DIAPH2: variants seen among roughly 807,000 people sequenced by gnomAD.
DIAPH2 encodes diaphanous related formin 2.
A neutral mutation model predicts 92.7 loss-of-function variants in DIAPH2; 35 were observed. That is an observed-to-expected ratio of 0.38 (90% confidence interval 0.29 to 0.50). DIAPH2 has a LOEUF of 0.50. Among genes scored for constraint, DIAPH2 ranks in the 20% least tolerant of loss-of-function variants. The pLI is 0.94. For missense variants in DIAPH2, 701 were observed against 819.5 expected (o/e 0.86, Z 1.77); for synonymous variants, 301 against 280.4 (o/e 1.07, Z -0.73).
intron 22 of DIAPH2, among the ~76,000 whole-genome samples, chrX:97,149,682 G>T (rs1231063652): frequency 1.2e-5 from 1 of 83,939 alleles, no homozygotes; most frequent in Non-Finnish European, 2.1e-5. Flanking sequence ...AGTGAGCCGA[G>T]ATCGCGCCAC....
intron 23 of DIAPH2, among the ~76,000 whole-genome samples, chrX:97,251,073 C>T (rs1003548440): frequency 1.8e-5 from 2 of 112,041 alleles, no homozygotes; most frequent in Non-Finnish European, 3.8e-5. Context: ...AAATAGGTTG[C>T]TTGTTCTGAC....
chrX:96,829,605 T>C (rs749219105), intron 4 of DIAPH2, among the ~76,000 whole-genome samples: 16 of 110,623 alleles, frequency 1.4e-4, no homozygotes, highest in Non-Finnish European at 2.8e-4. Flanking sequence ...GTGAATCTCC[T>C]GTCTCAGCCT....
At chrX:97,573,809 C>T (rs573581530) in intron 26 of DIAPH2, among the ~76,000 whole-genome samples, 11 of 108,959 alleles carry the variant, frequency 1.0e-4, no homozygotes, top group Non-Finnish European at 1.5e-4. Context: ...TATAGGTGAC[C>T]GCCACCACAC....
chrX:96,848,514 G>A (rs2064987072), intron 4 of DIAPH2, among the ~76,000 whole-genome samples: 1 of 112,142 alleles, frequency 8.9e-6, no homozygotes, highest in Non-Finnish European at 1.9e-5. Flanking sequence ...ACTAATTTAA[G>A]CTATTTGACC....
chrX:97,306,932 T>A (rs1190642200), intron 23 of DIAPH2, among the ~76,000 whole-genome samples: 1 of 112,099 alleles, frequency 8.9e-6, no homozygotes, highest in East Asian at 2.8e-4. Flanking sequence ...AGTGGGAAAC[T>A]CTGAAAGGTA....
At chrX:97,115,496 A>G (rs761764602) in intron 21 of DIAPH2, among the ~76,000 whole-genome samples, 2 of 111,303 alleles carry the variant, frequency 1.8e-5, no homozygotes, top group Admixed American at 9.6e-5. Flanking sequence ...AGATCATGCC[A>G]CTGTACTCCA....
intron 17 of DIAPH2, among the ~76,000 whole-genome samples, chrX:97,056,857 G>A (rs1270944978): frequency 8.9e-6 from 1 of 111,883 alleles, no homozygotes; most frequent in Non-Finnish European, 1.9e-5. Context: ...ATTTGTTGTA[G>A]TGGAATGAAT....
chrX:97,164,557 AGAAATG>A (rs2067398073), intron 22 of DIAPH2, among the ~76,000 whole-genome samples: 1 of 112,233 alleles, frequency 8.9e-6, no homozygotes, highest in African/African-American at 3.2e-5. Context: ...CATCAAATTT[AGAAATG>A]TATGTCTTCT....
chrX:96,719,388 A>G (rs994090541), intron 1 of DIAPH2, among the ~76,000 whole-genome samples: 9 of 112,164 alleles, frequency 8.0e-5, no homozygotes, highest in East Asian at 5.6e-4. Flanking sequence ...ACCTTCCCCA[A>G]TGTTTTCTTG....
At chrX:97,002,156 A>T (rs1453104898) in intron 17 of DIAPH2, among the ~76,000 whole-genome samples, 1 of 111,019 alleles carries the variant, frequency 9.0e-6, no homozygotes, top group Non-Finnish European at 1.9e-5. Context: ...TAGTCTCTTA[A>T]ATACTCATTT....
chrX:97,404,754 C>T (rs767539142), intron 25 of DIAPH2, among the ~76,000 whole-genome samples: 7 of 111,922 alleles, frequency 6.3e-5, no homozygotes, highest in African/African-American at 1.6e-4. Context: ...AAAAGTCATG[C>T]TGACGTTCTC....
intron 15 of DIAPH2, among the ~76,000 whole-genome samples, chrX:96,952,555 G>A (rs1463546885): frequency 1.8e-5 from 2 of 109,966 alleles, no homozygotes; most frequent in Non-Finnish European, 3.8e-5. Context: ...CCAACATGGT[G>A]AATCCCCATC....
At chrX:97,409,916 C>T (rs1444566943) in intron 25 of DIAPH2, among the ~76,000 whole-genome samples, 1 of 112,667 alleles carries the variant, frequency 8.9e-6, no homozygotes, top group Non-Finnish European at 1.9e-5. Flanking sequence ...AGGCATGCTG[C>T]CTCTGTAGAC....
intron 17 of DIAPH2, among the ~76,000 whole-genome samples, chrX:97,048,866 G>A: frequency 9.0e-6 from 1 of 110,606 alleles, no homozygotes; most frequent in Non-Finnish European, 1.9e-5. Context: ...TAGCCAGTGA[G>A]AGCTCCCTCA....
chrX:97,401,490 T>C lies in DIAPH2; in HGVS notation c.3145+17446T>C, dbSNP rs186197308. On this transcript the variant is annotated intron_variant, in intron 25 of 26. Transcript: ENST00000324765. ...GCCAATGTACTACCATCTTTCAGCC[T>C]GAGTTTCTTCTGAAAGAACACTGCT... Among the ~76,000 whole-genome samples the C allele has an allele frequency of 5.5e-3, 620 of 111,775 alleles. 1 individual carries two copies. Among genetic ancestry groups the C allele is most frequent in the African/African-American group, 0.019 (589 of 30,714 alleles).
At chrX:97,135,877 A>T (rs1304665915) in intron 21 of DIAPH2, among the ~76,000 whole-genome samples, 1 of 112,119 alleles carries the variant, frequency 8.9e-6, no homozygotes, top group African/African-American at 3.2e-5. Context: ...GAGGAATAGG[A>T]TATTATCACC....
At chrX:97,571,211 C>T (rs997473394) in intron 26 of DIAPH2, among the ~76,000 whole-genome samples, 5 of 111,139 alleles carry the variant, frequency 4.5e-5, no homozygotes, top group African/African-American at 1.6e-4. Context: ...TTAAACTTGG[C>T]TCTTTTGCTT....
chrX:97,425,309 T>C (rs928057224), intron 25 of DIAPH2, among the ~76,000 whole-genome samples: 2 of 111,782 alleles, frequency 1.8e-5, no homozygotes, highest in African/African-American at 3.2e-5. Flanking sequence ...AAAATTTCAG[T>C]TGGACAAGAG....
intron 21 of DIAPH2, among the ~76,000 whole-genome samples, chrX:97,120,735 C>T (rs1185418400): frequency 9.4e-6 from 1 of 106,699 alleles, no homozygotes; most frequent in East Asian, 2.9e-4. Flanking sequence ...AGATTGGACA[C>T]CCATGATCTA....
Sources: allele counts gnomAD v4.1 joint callset (sites outside exome capture counted in the v4.1 genomes callset), GRCh38; gene constraint gnomAD v4.1.1; transcripts MANE v1.5; gene names NCBI Gene and HGNC (gene_info 2026-07-23, HGNC 2026-07-21).